Variants in CREB3L2 observed in about 807,000 individuals in gnomAD.
The protein encoded by CREB3L2 is cAMP responsive element binding protein 3 like 2.
Under a neutral mutation model 57.2 loss-of-function variants are expected in CREB3L2, and 23 were observed. The observed-to-expected ratio is 0.40, with a 90% CI of 0.29 to 0.57. The LOEUF (loss-of-function observed/expected upper bound fraction) is 0.57, where lower values mean the gene tolerates loss of function less well. CREB3L2 is among the 20% of genes least tolerant of loss of function. The pLI is 0.42. For missense variants in CREB3L2, 628 were observed against 634.7 expected (o/e 0.99, Z 0.11); for synonymous variants, 268 against 265.1 (o/e 1.01, Z -0.11).
At chr7:137,974,518 G>C (rs1399769947) in intron 1 of CREB3L2, among the ~76,000 whole-genome samples, 2 of 152,186 alleles carry the variant, frequency 1.3e-5, no homozygotes, top group Non-Finnish European at 2.9e-5. Context: ...AGATGTCAGG[G>C]AAGAAATCTT....
rs1799139454 is a variant in CREB3L2, at chr7:137,875,911, C to T, written c.*4565G>A. 4 of 225,602 alleles carry T rather than the reference C, an allele frequency of 1.8e-5. No individual in the cohort carries two copies. In the Admixed American group the frequency reaches 2.3e-4, roughly 13 times the overall value. The allele number at this position is 225,602 out of a possible 1,614,324, so 14.0% of individuals were successfully genotyped here. On this transcript the variant is annotated 3_prime_UTR_variant, in exon 12 of 12. Coordinates refer to ENST00000330387, the MANE Select transcript of CREB3L2 (RefSeq NM_194071.4). The stretch of plus-strand genomic sequence containing the variant: ...TTTTATGTTGTCCAAAATAACAAAA[C>T]AAAACAACACCTAGTTTTTTCCTGT...
intron 1 of CREB3L2, among the ~76,000 whole-genome samples, chr7:137,945,609 C>A (rs1181818600): frequency 6.6e-6 from 1 of 152,194 alleles, no homozygotes; most frequent in Non-Finnish European, 1.5e-5. Context: ...ATCACAGATC[C>A]TTTTTCCTCT....
intron 1 of CREB3L2, among the ~76,000 whole-genome samples, chr7:137,935,401 A>G (rs571735520): frequency 1.3e-5 from 2 of 152,354 alleles, no homozygotes; most frequent in South Asian, 4.1e-4. Flanking sequence ...TACCTAAGAC[A>G]GAACAAATGT....
At position 137,960,638 on chromosome 7, in the gene CREB3L2, G is replaced by A. The variant is rs1034633797; in HGVS notation, c.103-32272C>T. Among the ~76,000 whole-genome samples, 4 of 151,970 alleles carry A rather than the reference G, an allele frequency of 2.6e-5. No individual in the cohort carries two copies. The South Asian group carries it at 8.3e-4, about 32-fold the overall frequency. The stretch of plus-strand genomic sequence containing the variant: ...ACCTCTGGCTCTAAAGCACATACCT[G>A]GAAAGACATCCACAGGGGAACCATC... On this transcript the variant is annotated intron_variant, in intron 1 of 11. Coordinates refer to ENST00000330387, the MANE Select transcript of CREB3L2 (RefSeq NM_194071.4).
At chr7:137,897,494 C>T (rs1420872800) in intron 8 of CREB3L2, among the ~76,000 whole-genome samples, 3 of 152,082 alleles carry the variant, frequency 2.0e-5, no homozygotes, top group Non-Finnish European at 4.4e-5. Flanking sequence ...CTCAGCCTCT[C>T]GAGTAGCTGG....
rs186576667 is a variant in CREB3L2, at chr7:137,915,633, C to T, written c.495+204G>A. Among the ~76,000 whole-genome samples, 10 of 152,128 alleles carry T rather than the reference C, an allele frequency of 6.6e-5. 1 individual carries two copies. Among genetic ancestry groups the T allele is most frequent in the African/African-American group, 2.2e-4 (9 of 41,508 alleles). ...AATCAGCTTAGCTACTAATTTTTTC[C>T]GAACAATGGCTTTAAAGGAAGTTGG... is the stretch of plus-strand genomic sequence containing the variant. On this transcript the variant is annotated intron_variant, in intron 3 of 11. Transcript: ENST00000330387.
chr7:137,984,105 A>G (rs1801755592), intron 1 of CREB3L2, among the ~76,000 whole-genome samples: 1 of 152,204 alleles, frequency 6.6e-6, no homozygotes, highest in Non-Finnish European at 1.5e-5. Flanking sequence ...TGTGAGATGC[A>G]GGCGTCATTC....
intron 10 of CREB3L2, 95 bp downstream of exon 10, chr7:137,884,900 T>C (rs1176179918): frequency 2.0e-6 from 3 of 1,533,784 alleles, no homozygotes; most frequent in African/African-American, 1.4e-5. Flanking sequence ...TTTTAAACAT[T>C]GGACTTTCAC....
chr7:137,914,354 C>T (rs118062691), intron 3 of CREB3L2, among the ~76,000 whole-genome samples: 2,715 of 152,114 alleles, frequency 0.018, 31 homozygotes, highest in Non-Finnish European at 0.027. Context: ...TCAACTAGGC[C>T]GGGCATGTGG....
rs554521110 is a variant in CREB3L2, at chr7:137,951,217, C to T, written c.103-22851G>A. 2.1e-4 allele frequency among the ~76,000 whole-genome samples: 32 copies of T among 152,242 alleles called. No homozygotes were observed. In the East Asian group the frequency reaches 6.0e-3, roughly 28 times the overall value. ...GTTGCTGTCTAAAACACCTCCCAAG[C>T]ACAGTGCTGAAGTGCTATCTAGTGT... is the stretch of plus-strand genomic sequence containing the variant. On this transcript the variant is annotated intron_variant, in intron 1 of 11. Transcript: ENST00000330387.
At chr7:137,978,671 C>T (rs543478620) in intron 1 of CREB3L2, among the ~76,000 whole-genome samples, 7 of 152,324 alleles carry the variant, frequency 4.6e-5, no homozygotes, top group African/African-American at 1.7e-4. Context: ...AGCTGAGTGA[C>T]TCAGTGTGCT....
At chr7:137,956,966 G>C (rs1362782383) in intron 1 of CREB3L2, among the ~76,000 whole-genome samples, 3 of 152,188 alleles carry the variant, frequency 2.0e-5, no homozygotes, top group African/African-American at 4.8e-5. Flanking sequence ...AGGCCTTTTA[G>C]AAAAGCAGTG....
intron 8 of CREB3L2, among the ~76,000 whole-genome samples, chr7:137,895,673 G>C (rs542908719): frequency 9.3e-6 from 1 of 107,032 alleles, no homozygotes; most frequent in South Asian, 3.1e-4. Flanking sequence ...CCATACTCAG[G>C]ATTGACTCAT....
At chr7:137,960,307 T>C (rs1034333329) in intron 1 of CREB3L2, among the ~76,000 whole-genome samples, 1 of 152,148 alleles carries the variant, frequency 6.6e-6, no homozygotes, top group African/African-American at 2.4e-5. Flanking sequence ...GAGTAAGTGC[T>C]AAGTTCGTAA....
intron 2 of CREB3L2, among the ~76,000 whole-genome samples, 179 bp downstream of exon 2, chr7:137,927,971 G>A (rs1034156182): frequency 6.6e-6 from 1 of 152,042 alleles, no homozygotes; most frequent in African/African-American, 2.4e-5. Context: ...GCAGTGTAGA[G>A]AAATGGGTCC....
intron 8 of CREB3L2, among the ~76,000 whole-genome samples, chr7:137,895,090 TGA>T (rs1487589765): frequency 2.0e-5 from 3 of 152,146 alleles, no homozygotes; most frequent in African/African-American, 7.2e-5. Flanking sequence ...TAAAGATGCC[TGA>T]GAACAAAATA....
chr7:137,894,948 G>C lies in CREB3L2; in HGVS notation c.1043+6406C>G, dbSNP rs147978402. Among the ~76,000 whole-genome samples the C allele has an allele frequency of 2.8e-3, 429 of 152,240 alleles. 1 individual carries two copies. The highest frequency in any genetic ancestry group is 4.4e-3 in the Non-Finnish European group (296 of 68,020). ...GTTAAGATGACTTTAACCCCACCAG[G>C]CCTCAGTTTCTCCTTCTGTAAAATA... On this transcript the variant is annotated intron_variant, in intron 8 of 11. Coordinates refer to ENST00000330387, the MANE Select transcript of CREB3L2 (RefSeq NM_194071.4).
chr7:137,901,286 G>T, intron 8 of CREB3L2, 68 bp downstream of exon 8: 2 of 1,045,808 alleles, frequency 1.9e-6, no homozygotes, highest in Admixed American at 1.8e-5. Flanking sequence ...CCTGGTTCTG[G>T]ATTCTATCCT....
intron 1 of CREB3L2, among the ~76,000 whole-genome samples, chr7:137,943,083 G>A (rs1387889696): frequency 1.3e-5 from 2 of 152,148 alleles, no homozygotes; most frequent in Admixed American, 1.3e-4. Context: ...ACCTAGCCCT[G>A]TCACTACTTG....
Sources: gnomAD v4.1 joint callset for allele counts (sites outside exome capture counted in the v4.1 genomes callset) on GRCh38, gnomAD v4.1.1 for gene constraint, MANE v1.5 for transcripts, NCBI Gene and HGNC (gene_info 2026-07-23, HGNC 2026-07-21) for gene names.